The following AGBL3 variants were observed in gnomAD, a reference collection of about 807,000 sequenced individuals.
The protein encoded by AGBL3 is AGBL carboxypeptidase 3, also known as cytosolic carboxypeptidase 3.
A neutral mutation model predicts 94.5 loss-of-function variants in AGBL3; 68 were observed. The ratio of observed to expected loss-of-function variants is 0.72; its 90% CI spans 0.59 to 0.88. AGBL3 has a LOEUF of 0.88. AGBL3 is among the 40% of genes least tolerant of loss of function. AGBL3 has a pLI of 0.00. For missense variants in AGBL3, 934 were observed against 1,103.8 expected (o/e 0.85, Z 2.18); for synonymous variants, 354 against 370.7 (o/e 0.95, Z 0.52).
intron 12 of AGBL3, among the ~76,000 whole-genome samples, chr7:135,061,883 T>C (rs1584974896): frequency 6.6e-6 from 1 of 152,142 alleles, no homozygotes; most frequent in African/African-American, 2.4e-5. Context: ...TGGTTCCATA[T>C]GAATTATAGA....
chr7:134,996,228 C>A (rs1166738853), intron 4 of AGBL3, among the ~76,000 whole-genome samples: 1 of 152,120 alleles, frequency 6.6e-6, no homozygotes, highest in East Asian at 1.9e-4. Flanking sequence ...TGCCTGTCTT[C>A]AGACTGAAAC....
rs1303724193 is a variant in AGBL3, at chr7:135,080,216, G to A, written c.1994G>A (p.Gly665Glu). Residue 665 changes from glycine (G) to glutamate (E), a missense_variant, in exon 14 of 17, where the codon GGG becomes GAG. Coordinates refer to ENST00000436302, the MANE Select transcript of AGBL3 (RefSeq NM_178563.4). ...ACATTCCATTAGGTTTATGATAGAG[G>A]GCATTTGCTGCAAAGACACACACAA... is the stretch of plus-strand genomic sequence containing the variant. ...NARGQEVYDR[G>E]HLLQRHTQSN... The A allele has an allele frequency of 6.5e-7, 1 of 1,548,688 alleles. No individual in the cohort carries two copies. The highest frequency in any genetic ancestry group is 2.0e-5 in the Admixed American group (1 of 50,964).
chr7:135,065,723 C>T lies in AGBL3; in HGVS notation c.1908+6488C>T, dbSNP rs528189909. Among the ~76,000 whole-genome samples the T allele has an allele frequency of 2.0e-5, 3 of 152,190 alleles. No individual in the cohort carries two copies. The East Asian group carries it at 5.8e-4, about 29-fold the overall frequency. The stretch of plus-strand genomic sequence containing the variant: ...CCTAGGCAACAGAGTGAGACCCCAC[C>T]TCTACAAAAAATAAGAAAATTATCC... On this transcript the variant is annotated intron_variant, in intron 12 of 16. Coordinates refer to ENST00000436302, the MANE Select transcript of AGBL3 (RefSeq NM_178563.4).
chr7:135,103,674 A>G (rs1268957670), intron 15 of AGBL3, among the ~76,000 whole-genome samples: 1 of 152,208 alleles, frequency 6.6e-6, no homozygotes, highest in Non-Finnish European at 1.5e-5. Context: ...AATAATAGAT[A>G]TCTGTAGTCA....
At chr7:135,028,422 T>C (rs1014933700) in intron 5 of AGBL3, among the ~76,000 whole-genome samples, 1 of 152,226 alleles carries the variant, frequency 6.6e-6, no homozygotes, top group Non-Finnish European at 1.5e-5. Flanking sequence ...ACAGCATCTT[T>C]ACCAGTAATA....
chr7:135,093,314 C>A (rs536174908), intron 15 of AGBL3: 1 of 151,978 alleles, frequency 6.6e-6, no homozygotes, highest in Non-Finnish European at 1.5e-5. Context: ...CATACACACG[C>A]CACACTATTA....
chr7:135,028,036 AAAC>A (rs577217341), intron 5 of AGBL3, among the ~76,000 whole-genome samples: 3 of 151,694 alleles, frequency 2.0e-5, no homozygotes, highest in Non-Finnish European at 2.9e-5. Context: ...TCATGTCTAA[AAAC>A]AACAACATCT....
In AGBL3 at chr7:135,002,176, A is replaced by G. The variant is rs761412985; in HGVS notation, c.310+8498A>G. On this transcript the variant is annotated intron_variant, in intron 4 of 16. Transcript: ENST00000436302. The stretch of plus-strand genomic sequence containing the variant: ...CCACCCCAAGGTTCAATGATTCATT[A>G]AAAGGACTCGAGAAATTCAGAAAAA... Among the ~76,000 whole-genome samples, 3 of 152,328 alleles carry G rather than the reference A, an allele frequency of 2.0e-5. No individual in the cohort carries two copies. The East Asian group carries it at 5.8e-4, about 29-fold the overall frequency.
intron 5 of AGBL3, among the ~76,000 whole-genome samples, chr7:135,032,114 C>T (rs1284898719): frequency 6.6e-6 from 1 of 152,200 alleles, no homozygotes; most frequent in Non-Finnish European, 1.5e-5. Flanking sequence ...CAAGCCAGGG[C>T]TCAACATGGG....
At chr7:135,072,770 G>C (rs999243900) in intron 12 of AGBL3, among the ~76,000 whole-genome samples, 61 of 142,140 alleles carry the variant, frequency 4.3e-4, no homozygotes, top group African/African-American at 1.5e-3. Context: ...GTTGTGGAGT[G>C]GGGGAGGGGG....
chr7:135,115,500 C>T lies in AGBL3; in HGVS notation c.2231C>T (p.Thr744Ile), dbSNP rs1395594060. 9 of 1,551,280 alleles carry T rather than the reference C, an allele frequency of 5.8e-6. No homozygotes were observed. The highest frequency in any genetic ancestry group is 7.0e-6 in the Non-Finnish European group (8 of 1,146,708). The change falls in exon 16 of 17, where the codon ACT becomes ATT. Residue 744 changes from threonine to isoleucine, a missense_variant. Coordinates refer to ENST00000436302, the MANE Select transcript of AGBL3 (RefSeq NM_178563.4). ...RSYKDKGIVQ[T>I]QEILQYLLPI... Reference sequence around the variant, plus strand: ...TACAAGGATAAAGGAATAGTTCAAACTCAAGAAATATTGCAGTATTTGCTC... The same window carrying T: ...TACAAGGATAAAGGAATAGTTCAAATTCAAGAAATATTGCAGTATTTGCTC...
chr7:135,036,259 T>C (rs1308208704), intron 7 of AGBL3, among the ~76,000 whole-genome samples: 1 of 152,148 alleles, frequency 6.6e-6, no homozygotes, highest in Non-Finnish European at 1.5e-5. Context: ...CTATTAATAT[T>C]AGTCATTTTA....
rs577828698 is a variant in AGBL3 at position 135,006,990 on chromosome 7, G to A, written c.311-10062G>A. Reference sequence around the variant, plus strand: ...ACGGAAACTGACTCAAGAGGAAATAGAACATCTAAATAGACATATAACAAG... The same window carrying A: ...ACGGAAACTGACTCAAGAGGAAATAAAACATCTAAATAGACATATAACAAG... On this transcript the variant is annotated intron_variant, in intron 4 of 16. Coordinates refer to ENST00000436302, the MANE Select transcript of AGBL3 (RefSeq NM_178563.4). Among the ~76,000 whole-genome samples the A allele has an allele frequency of 5.9e-5, 9 of 152,032 alleles. No individual in the cohort carries two copies. The South Asian group carries it at 1.9e-3, about 32-fold the overall frequency.
chr7:135,095,038 T>C (rs1409228450), intron 15 of AGBL3, among the ~76,000 whole-genome samples: 2 of 152,170 alleles, frequency 1.3e-5, no homozygotes, highest in Non-Finnish European at 2.9e-5. Context: ...ATGGAGTAAG[T>C]AGCCCAAGAT....
chr7:135,042,687 A>G (rs529675915), intron 8 of AGBL3, among the ~76,000 whole-genome samples: 137 of 152,282 alleles, frequency 9.0e-4, no homozygotes, highest in Admixed American at 2.3e-3. Context: ...AGGCAGGAGG[A>G]TGGCATGAGG....
At chr7:135,071,505 C>T (rs1819903374) in intron 12 of AGBL3, among the ~76,000 whole-genome samples, 2 of 152,170 alleles carry the variant, frequency 1.3e-5, no homozygotes, top group Non-Finnish European at 2.9e-5. Flanking sequence ...TACCTGACTT[C>T]AAACTATACT....
chr7:135,128,306 AAAAAAAAAAAAAACGAAAAAAAAAAAC>A (rs1828217936), intron 16 of AGBL3: 3 of 245,292 alleles, frequency 1.2e-5, no homozygotes, highest in East Asian at 1.0e-4. Flanking sequence ...AAAAAAAAAA[AAAAAAAAAAAAAACGAAAAAAAAAAAC>A]AAAACAACAA....
At chr7:135,072,192 G>T (rs1281600342) in intron 12 of AGBL3, among the ~76,000 whole-genome samples, 2 of 152,138 alleles carry the variant, frequency 1.3e-5, no homozygotes, top group Admixed American at 6.5e-5. Flanking sequence ...ATCAGAGAAA[G>T]GCAAATCAAA....
rs144258138 is a variant in AGBL3, at chr7:135,004,451, T to C, written c.310+10773T>C. On this transcript the variant is annotated intron_variant, in intron 4 of 16. Transcript: ENST00000436302. ...AAACGTTATTTAGAATTCTTTGCTT[T>C]AGAGCAGTTTCAATAATGTTTTAAT... 5.3e-4 allele frequency among the ~76,000 whole-genome samples: 80 copies of C among 151,862 alleles called. No homozygotes were observed. The East Asian group carries it at 0.012, about 22-fold the overall frequency.
Sources: allele counts gnomAD v4.1 joint callset (sites outside exome capture counted in the v4.1 genomes callset), GRCh38; gene constraint gnomAD v4.1.1; transcripts MANE v1.5; gene names NCBI Gene and HGNC (gene_info 2026-07-23, HGNC 2026-07-21).